Variants in SNAPC1 observed in about 807,000 individuals in gnomAD.
The protein encoded by SNAPC1 is snRNA-activating protein complex subunit 1.
Under a neutral mutation model 50.1 loss-of-function variants are expected in SNAPC1, and 42 were observed. That is an observed-to-expected ratio of 0.84 (90% CI 0.65 to 1.08). The LOEUF (loss-of-function observed/expected upper bound fraction) is 1.08, where lower values mean the gene tolerates loss of function less well. Ranked by LOEUF, SNAPC1 falls within the 50% of genes least tolerant of loss-of-function variation. The pLI, the probability that SNAPC1 is intolerant of heterozygous loss-of-function variation, is 0.00. For missense variants in SNAPC1, 477 were observed against 427.3 expected (o/e 1.12, Z -1.02); for synonymous variants, 164 against 144.2 (o/e 1.14, Z -0.98).
At chr14:61,785,944 A>AT (rs201698799) in intron 8 of SNAPC1, among the ~76,000 whole-genome samples, 3,647 of 152,184 alleles carry the variant, frequency 0.024, 166 homozygotes, top group African/African-American at 0.084. Context: ...TAGCTTAGTG[A>AT]TTTTGGGGTC....
intron 1 of SNAPC1, among the ~76,000 whole-genome samples, chr14:61,764,092 CCT>C (rs1001730576): frequency 6.6e-5 from 10 of 152,062 alleles, no homozygotes; most frequent in African/African-American, 2.4e-4. Context: ...TGCCACCAAG[CCT>C]GGCTAATTTT....
chr14:61,768,784 T>C, intron 4 of SNAPC1, 44 bp downstream of exon 4: 1 of 987,082 alleles, frequency 1.0e-6, no homozygotes, highest in South Asian at 1.4e-5. Flanking sequence ...AAAATTGTTT[T>C]ATTGCCAACT....
At chr14:61,770,996 C>T (rs1175840785) in intron 4 of SNAPC1, among the ~76,000 whole-genome samples, 1 of 152,138 alleles carries the variant, frequency 6.6e-6, no homozygotes, top group Non-Finnish European at 1.5e-5. Flanking sequence ...CCCGCCTCAG[C>T]CTCCCAAAGT....
intron 7 of SNAPC1, among the ~76,000 whole-genome samples, chr14:61,780,195 T>C (rs2045062109): frequency 6.6e-6 from 1 of 152,146 alleles, no homozygotes; most frequent in Non-Finnish European, 1.5e-5. Context: ...CAGCTGCCAA[T>C]GTTTTGGGAG....
intron 4 of SNAPC1, among the ~76,000 whole-genome samples, chr14:61,771,841 A>G (rs959846208): frequency 6.6e-6 from 1 of 152,152 alleles, no homozygotes; most frequent in African/African-American, 2.4e-5. Flanking sequence ...ATCTTTGTGT[A>G]GAGGAGAAAT....
chr14:61,764,808 G>GT (rs1283908602), intron 1 of SNAPC1, among the ~76,000 whole-genome samples: 1 of 152,152 alleles, frequency 6.6e-6, no homozygotes, highest in African/African-American at 2.4e-5. Flanking sequence ...TTTGGTTACC[G>GT]TAACTAGAGT....
intron 7 of SNAPC1, among the ~76,000 whole-genome samples, chr14:61,781,046 C>T (rs1287895964): frequency 2.0e-5 from 3 of 152,118 alleles, no homozygotes; most frequent in Non-Finnish European, 4.4e-5. Flanking sequence ...TATGCAAATA[C>T]TACACAATTT....
At chr14:61,787,487 A>AT (rs1341006225) in intron 8 of SNAPC1, among the ~76,000 whole-genome samples, 3 of 152,190 alleles carry the variant, frequency 2.0e-5, no homozygotes, top group African/African-American at 7.2e-5. Context: ...AGCCCCTAGA[A>AT]TCACGGCAGA....
chr14:61,785,340 G>A (rs1399454862), intron 8 of SNAPC1, among the ~76,000 whole-genome samples: 3 of 152,094 alleles, frequency 2.0e-5, no homozygotes, highest in Admixed American at 6.5e-5. Flanking sequence ...CGGAGGTTGC[G>A]GTGAGCCAAG....
chr14:61,791,625 A>T (rs1488905217), intron 8 of SNAPC1, among the ~76,000 whole-genome samples: 1 of 152,162 alleles, frequency 6.6e-6, no homozygotes, highest in Non-Finnish European at 1.5e-5. Context: ...AGGCAGGTGG[A>T]TCACTTGAGG....
At chr14:61,791,971 C>G (rs568739591) in intron 8 of SNAPC1, among the ~76,000 whole-genome samples, 1 of 151,872 alleles carries the variant, frequency 6.6e-6, no homozygotes, top group Admixed American at 6.6e-5. Flanking sequence ...TAGTGAACAT[C>G]TTTCTGTTCT....
intron 1 of SNAPC1, among the ~76,000 whole-genome samples, chr14:61,763,540 G>A (rs945215810): frequency 2.8e-5 from 4 of 142,004 alleles, no homozygotes; most frequent in Admixed American, 1.5e-4. Context: ...CCTAATCCTG[G>A]AGTTTCCACC....
chr14:61,792,768 C>A, intron 8 of SNAPC1, 39 bp from the exon 9 acceptor site: 2 of 1,138,932 alleles, frequency 1.8e-6, no homozygotes, highest in Non-Finnish European at 2.5e-6. Flanking sequence ...TTATAATATT[C>A]TTTGCTTTCA....
rs1231268691 is a variant in SNAPC1 at position 61,795,382 on chromosome 14, T to G, written c.*399T>G. 6.5e-6 allele frequency: 1 copy of G among 153,180 alleles called. No homozygotes were observed. The highest frequency in any genetic ancestry group is 2.4e-5 in the African/African-American group (1 of 41,498). The allele number at this position is 153,180 out of a possible 1,614,324, so 9.5% of individuals were successfully genotyped here. ...ATTACATGCAAATAACTATTTTGTA[T>G]CTACAGTCGGATAATGGATTTTTTA... On this transcript the variant is annotated 3_prime_UTR_variant, in exon 10 of 10. Coordinates refer to ENST00000216294, the MANE Select transcript of SNAPC1 (RefSeq NM_003082.4).
At chr14:61,792,180 A>G (rs1404860194) in intron 8 of SNAPC1, among the ~76,000 whole-genome samples, 1 of 152,226 alleles carries the variant, frequency 6.6e-6, no homozygotes, top group Non-Finnish European at 1.5e-5. Context: ...AGCATAAAAA[A>G]TAGTCACTGT....
chr14:61,784,800 G>T (rs180824061), intron 8 of SNAPC1, among the ~76,000 whole-genome samples: 1 of 152,298 alleles, frequency 6.6e-6, no homozygotes, highest in East Asian at 1.9e-4. Flanking sequence ...ATGGTAATAT[G>T]CAAGAAGTAT....
At chr14:61,765,574 T>C (rs2044940920) in intron 1 of SNAPC1, among the ~76,000 whole-genome samples, 1 of 152,126 alleles carries the variant, frequency 6.6e-6, no homozygotes, top group Non-Finnish European at 1.5e-5. Context: ...TTGCGTTCTT[T>C]TGAGTTTCTG....
At chr14:61,781,394 G>A (rs1276005649) in intron 7 of SNAPC1, among the ~76,000 whole-genome samples, 2 of 146,640 alleles carry the variant, frequency 1.4e-5, no homozygotes, top group African/African-American at 5.1e-5. Context: ...AGGTTGCAGC[G>A]AGCTGAGGTC....
At chr14:61,786,246 T>C (rs906221720) in intron 8 of SNAPC1, among the ~76,000 whole-genome samples, 4 of 151,946 alleles carry the variant, frequency 2.6e-5, no homozygotes, top group South Asian at 2.1e-4. Context: ...GCAAGATTTT[T>C]AAATACATGA....
Sources: gnomAD v4.1 joint callset for allele counts (sites outside exome capture counted in the v4.1 genomes callset) on GRCh38, gnomAD v4.1.1 for gene constraint, MANE v1.5 for transcripts, NCBI Gene and HGNC (gene_info 2026-07-23, HGNC 2026-07-21) for gene names.